ZNF677: variants seen among roughly 807,000 people sequenced by gnomAD.
ZNF677 encodes zinc finger protein 677.
A neutral mutation model predicts 8.1 loss-of-function variants in ZNF677; 5 were observed. That is an observed-to-expected ratio of 0.62 (90% CI 0.32 to 1.29). ZNF677 has a LOEUF of 1.29. ZNF677 is among the 50% of genes most tolerant of loss of function. ZNF677 has a pLI of 0.05. For missense variants in ZNF677, 685 were observed against 685.9 expected (o/e 1.00, Z 0.01); for synonymous variants, 221 against 225.6 (o/e 0.98, Z 0.18).
chr19:53,252,770 T>C (rs1330524410), intron 2 of ZNF677, among the ~76,000 whole-genome samples: 1 of 152,054 alleles, frequency 6.6e-6, no homozygotes, highest in African/African-American at 2.4e-5. Flanking sequence ...TGGAGGAACA[T>C]CTACTTAGTG....
At position 53,243,398 on chromosome 19, in the gene ZNF677, C is replaced by A. The variant is rs374734314; in HGVS notation, c.169+346G>T. 1.0e-4 allele frequency: 40 copies of A among 383,568 alleles called. No individual in the cohort carries two copies. In the East Asian group the frequency reaches 1.6e-3, roughly 16 times the overall value. 23.8% of individuals were successfully genotyped at this position (383,568 alleles called of 1,614,324 possible). A position where few individuals can be genotyped will look rare whatever the true frequency, so the allele number is the denominator to read the frequency against. The stretch of plus-strand genomic sequence containing the variant: ...ATTTCATAAATTAGTCAACGGACTG[C>A]CTTCTTCTGAATGCTTAGGGATTAT... On this transcript the variant is annotated intron_variant, in intron 4 of 4. Coordinates refer to ENST00000598513, the MANE Select transcript of ZNF677 (RefSeq NM_182609.4).
At chr19:53,238,696 TAAC>T in intron 4 of ZNF677, 139 bp from the exon 5 acceptor site, 2 of 736,124 alleles carry the variant, frequency 2.7e-6, no homozygotes, top group South Asian at 2.4e-5. Flanking sequence ...TTTAAACGTT[TAAC>T]AACACAAAGG....
intron 4 of ZNF677, chr19:53,241,831 TTCCA>T (rs2091053792): frequency 2.5e-6 from 1 of 398,548 alleles, no homozygotes; most frequent in Non-Finnish European, 4.4e-6. Context: ...AGGAAACCTC[TTCCA>T]TGGGAGAGTC....
Position 53,238,189 on chromosome 19 carries a change from C to A in ZNF677, c.538G>T (p.Gly180Ter). 1 of 1,613,476 alleles carries A rather than the reference C, an allele frequency of 6.2e-7. No homozygotes were observed. The change falls in exon 5 of 5, where the codon GGA becomes TGA. Residue 180 changes from glycine (G) to a stop codon, truncating the protein, a stop_gained. Transcript: ENST00000598513. LOFTEE classifies it low-confidence loss of function (END_TRUNC). ...LKLKNNIRYA[G>*]NKYVKCFENK... Reference sequence around the variant, plus strand: ...TCAAAACACTTCACGTATTTGTTTCCGGCATACCTTATGTTATTTTTCAGT... The same window carrying A: ...TCAAAACACTTCACGTATTTGTTTCAGGCATACCTTATGTTATTTTTCAGT...
chr19:53,245,993 C>G (rs1025339144), intron 3 of ZNF677, among the ~76,000 whole-genome samples: 1 of 151,106 alleles, frequency 6.6e-6, no homozygotes, highest in Non-Finnish European at 1.5e-5. Context: ...GCCTGGGCAA[C>G]AGAGGAAGAC....
In ZNF677 at chr19:53,237,187, G is replaced by C; in HGVS notation, c.1540C>G (p.Pro514Ala). 6.2e-7 allele frequency: 1 copy of C among 1,613,064 alleles called. No individual in the cohort carries two copies. The highest frequency in any genetic ancestry group is 2.2e-5 in the East Asian group (1 of 44,874). ...QHKKIHTGEKPYKCTECGKAF... is the reference protein window; with the variant it reads ...QHKKIHTGEKAYKCTECGKAF... The stretch of plus-strand genomic sequence containing the variant: ...TTGCCACATTCAGTACATTTGTAAG[G>C]TTTCTCTCCAGTATGGATTTTCTTA... The change falls in exon 5 of 5, where the codon CCT (proline) becomes GCT (alanine). Residue 514 changes from proline (P) to alanine (A), a missense_variant. Pro to Ala is a conservative substitution (Grantham distance 27). Coordinates refer to ENST00000598513, the MANE Select transcript of ZNF677 (RefSeq NM_182609.4).
intron 4 of ZNF677, chr19:53,240,882 G>C (rs1031188265): frequency 1.3e-5 from 2 of 151,950 alleles, no homozygotes; most frequent in African/African-American, 4.8e-5. Flanking sequence ...TTTAACAAAT[G>C]TACCACTGTG....
Position 53,236,882 on chromosome 19 carries a change from T to G in ZNF677, c.*90A>C. The G allele has an allele frequency of 1.7e-6, 2 of 1,193,872 alleles. No homozygotes were observed. Among genetic ancestry groups the G allele is most frequent in the Non-Finnish European group, 2.3e-6 (2 of 869,176 alleles). 74.0% of individuals were successfully genotyped at this position (1,193,872 alleles called of 1,614,324 possible). ...GTGTGGTTTATCTCAAAGATGTATATTCTGGTATCAAGTGAGACATAAGCC... is the reference window on the plus strand; with the variant it reads ...GTGTGGTTTATCTCAAAGATGTATAGTCTGGTATCAAGTGAGACATAAGCC... On this transcript the variant is annotated 3_prime_UTR_variant, in exon 5 of 5. Coordinates refer to ENST00000598513, the MANE Select transcript of ZNF677 (RefSeq NM_182609.4).
chr19:53,251,775 G>C (rs1366913813), intron 2 of ZNF677, 170 bp from the exon 3 acceptor site: 1 of 537,302 alleles, frequency 1.9e-6, no homozygotes, highest in East Asian at 3.2e-5. Flanking sequence ...CAGAGACTAA[G>C]GAGTTATTCC....
Position 53,236,996 on chromosome 19 carries a change from T to A in ZNF677, c.1731A>T (p.Lys577Asn). 1 of 1,570,260 alleles carries A rather than the reference T, an allele frequency of 6.4e-7. No individual in the cohort carries two copies. The highest frequency in any genetic ancestry group is 1.2e-5 in the South Asian group (1 of 81,474). Residue 577 changes from lysine to asparagine, a missense_variant, in exon 5 of 5, where the codon AAA becomes AAT. By Grantham distance (94) the Lys-to-Asn change is moderately conservative. Coordinates refer to ENST00000598513, the MANE Select transcript of ZNF677 (RefSeq NM_182609.4). ...GCTAGGTACAGCTTGAATACTTAAT[T>A]TTTGTCTCATTATATTTGATATGTT... ...REKHIKYNET[K>N]IKYSSCT
chr19:53,249,312 CA>C (rs1349419858), intron 3 of ZNF677: 1 of 152,168 alleles, frequency 6.6e-6, no homozygotes, highest in East Asian at 1.9e-4. Flanking sequence ...AATCATGCTT[CA>C]AATTGCCCAA....
rs1000753206 is a variant in ZNF677, at chr19:53,236,530, T to G, written c.*442A>C. 2 of 153,340 alleles carry G rather than the reference T, an allele frequency of 1.3e-5. No individual in the cohort carries two copies. Among genetic ancestry groups the G allele is most frequent in the Non-Finnish European group, 2.9e-5 (2 of 68,886 alleles). The allele number at this position is 153,340 out of a possible 1,614,324, so 9.5% of individuals were successfully genotyped here. Reference sequence around the variant, plus strand: ...TCTTCAAGAAGGAAAAAAGACTTAGTTCCCTCTAGCCTGAATTTTTGTATG... The same window carrying G: ...TCTTCAAGAAGGAAAAAAGACTTAGGTCCCTCTAGCCTGAATTTTTGTATG... On this transcript the variant is annotated 3_prime_UTR_variant, in exon 5 of 5. Transcript: ENST00000598513.
rs2090979715 is a variant in ZNF677, at chr19:53,237,175, T to C, written c.1552A>G (p.Thr518Ala). 8 of 1,612,844 alleles carry C rather than the reference T, an allele frequency of 5.0e-6. No individual in the cohort carries two copies. The South Asian group carries it at 8.8e-5, about 18-fold the overall frequency. The change falls in exon 5 of 5, where the codon ACT becomes GCT. Residue 518 changes from threonine to alanine, a missense_variant. Physicochemically the swap from Thr to Ala is moderately conservative, Grantham distance 58. Transcript: ENST00000598513. The part of the protein sequence containing the change: ...IHTGEKPYKC[T>A]ECGKAFTQFA... Reference sequence around the variant, plus strand: ...TGGGTAAAAGCTTTGCCACATTCAGTACATTTGTAAGGTTTCTCTCCAGTA... The same window carrying C: ...TGGGTAAAAGCTTTGCCACATTCAGCACATTTGTAAGGTTTCTCTCCAGTA...
Position 53,238,032 on chromosome 19 carries a change from CAAG to C in ZNF677, c.692_694del (p.Pro231_Cys232delinsArg). The C allele has an allele frequency of 1.9e-6, 3 of 1,613,790 alleles. No individual in the cohort carries two copies. The highest frequency in any genetic ancestry group is 2.5e-6 in the Non-Finnish European group (3 of 1,179,926). ...ATATTTATTACAAATGTTTTTGACA[CAAG>C]GAGGAAGTGGTGAAACTGAGGAACT... On this transcript the variant is annotated inframe_deletion, in exon 5 of 5. Coordinates refer to ENST00000598513, the MANE Select transcript of ZNF677 (RefSeq NM_182609.4).
chr19:53,238,807 T>C (rs1165982479), intron 4 of ZNF677: 4 of 281,134 alleles, frequency 1.4e-5, no homozygotes, highest in Non-Finnish European at 2.7e-5. Flanking sequence ...ACTCATACTA[T>C]GTAAATCCAC....
At chr19:53,248,396 G>C (rs961495898) in intron 3 of ZNF677, among the ~76,000 whole-genome samples, 1 of 152,102 alleles carries the variant, frequency 6.6e-6, no homozygotes, top group African/African-American at 2.4e-5. Flanking sequence ...TACCTACGTA[G>C]GTGTTTTACC....
In ZNF677 at chr19:53,236,825, T is replaced by G. The variant is rs1441383309; in HGVS notation, c.*147A>C. 1.5e-6 allele frequency: 1 copy of G among 680,336 alleles called. No individual in the cohort carries two copies. The highest frequency in any genetic ancestry group is 3.7e-5 in the Admixed American group (1 of 26,840). 42.1% of individuals were successfully genotyped at this position (680,336 alleles called of 1,614,324 possible). ...CTATGATGTTCCACAAGGCTTGAAC[T>G]TTGGATAAGCCTTGCCATACATGTT... On this transcript the variant is annotated 3_prime_UTR_variant, in exon 5 of 5. Transcript: ENST00000598513.
intron 4 of ZNF677, chr19:53,241,871 G>A (rs2091054579): frequency 2.5e-6 from 1 of 398,380 alleles, no homozygotes; most frequent in African/African-American, 2.1e-5. Flanking sequence ...ATCGCCTATT[G>A]GTGGGTTATC....
At chr19:53,242,010 C>T (rs1427182285) in intron 4 of ZNF677, 2 of 394,918 alleles carry the variant, frequency 5.1e-6, no homozygotes, top group Non-Finnish European at 8.9e-6. Flanking sequence ...CGGCTCACCA[C>T]AACCTCTGCC....
Sources: gnomAD v4.1 joint callset for allele counts (sites outside exome capture counted in the v4.1 genomes callset) on GRCh38, gnomAD v4.1.1 for gene constraint, MANE v1.5 for transcripts, NCBI Gene and HGNC (gene_info 2026-07-23, HGNC 2026-07-21) for gene names.